TMEM132D: variants seen among roughly 807,000 people sequenced by gnomAD.
The protein encoded by TMEM132D is mature OL transmembrane protein.
A neutral mutation model predicts 62.3 loss-of-function variants in TMEM132D; 21 were observed. That is an observed-to-expected ratio of 0.34 (90% CI 0.24 to 0.49). The LOEUF (loss-of-function observed/expected upper bound fraction) is 0.49, where lower values mean the gene tolerates loss of function less well. Ranked by LOEUF, TMEM132D falls within the 20% of genes least tolerant of loss-of-function variation. The probability of loss-of-function intolerance (pLI) is 0.99; values close to 1 mark genes in which losing one functional copy is unlikely to be tolerated. For synonymous variants in TMEM132D, 621 were observed against 575.6 expected, an observed-to-expected ratio of 1.08 and a Z score of -1.13; for missense variants, 1,346 against 1,402.8, an observed-to-expected ratio of 0.96 and a Z score of 0.65.
chr12:129,532,973 G>T (rs1876271774), intron 2 of TMEM132D, among the ~76,000 whole-genome samples: 1 of 152,150 alleles, frequency 6.6e-6, no homozygotes, highest in African/African-American at 2.4e-5. Context: ...GAATACATCG[G>T]AGCAGTGATT....
chr12:129,442,227 C>T (rs1286156165), intron 3 of TMEM132D, among the ~76,000 whole-genome samples: 1 of 152,234 alleles, frequency 6.6e-6, no homozygotes, highest in Non-Finnish European at 1.5e-5. Flanking sequence ...GCCTGAGAAT[C>T]AGAGTTTGCA....
At chr12:129,667,650 A>G (rs625363) in intron 2 of TMEM132D, among the ~76,000 whole-genome samples, 115,621 of 151,932 alleles carry the variant, frequency 0.76, 44,438 homozygotes, top group East Asian at 0.85. Flanking sequence ...AATATTTTAG[A>G]TTAGCAAAAT....
rs1874202775 is a variant in TMEM132D at position 129,074,928 on chromosome 12, G to T, written c.2247C>A (p.Pro749=). Residue 749 remains proline, a synonymous_variant, in exon 9 of 9, where the codon CCC becomes CCA. Transcript: ENST00000422113. ...CAGCAATGATAGGCCACTTGAATTT[G>T]GGGTCTTGGTGGATGGAGACTACCT... ...DEKVVSIHQD[P]KFKWPIIAAE... 1 of 1,613,982 alleles carries T rather than the reference G, an allele frequency of 6.2e-7. No individual in the cohort carries two copies. Among genetic ancestry groups the T allele is most frequent in the African/African-American group, 1.3e-5 (1 of 74,978 alleles).
At chr12:129,592,632 A>G (rs1477167781) in intron 2 of TMEM132D, among the ~76,000 whole-genome samples, 2 of 152,230 alleles carry the variant, frequency 1.3e-5, no homozygotes, top group Non-Finnish European at 2.9e-5. Flanking sequence ...TGCCCAATAA[A>G]ATTATTTGTA....
chr12:129,213,550 A>C (rs79736598), intron 4 of TMEM132D, among the ~76,000 whole-genome samples: 3,264 of 152,268 alleles, frequency 0.021, 106 homozygotes, highest in African/African-American at 0.075. Flanking sequence ...AGGCTGGGTA[A>C]TTTATAAGAA....
At chr12:129,895,372 A>G (rs563229882) in intron 1 of TMEM132D, among the ~76,000 whole-genome samples, 16 of 152,300 alleles carry the variant, frequency 1.1e-4, no homozygotes, top group Non-Finnish European at 1.8e-4. Context: ...ACCCCACCCA[A>G]TGATTTCAGG....
chr12:129,233,117 ATATATG>A (rs1480843079), intron 4 of TMEM132D, among the ~76,000 whole-genome samples: 2 of 152,196 alleles, frequency 1.3e-5, no homozygotes, highest in Admixed American at 1.3e-4. Flanking sequence ...TCTTATGTTA[ATATATG>A]TATAAGTAAA....
chr12:129,492,540 C>T (rs1400357200), intron 3 of TMEM132D, among the ~76,000 whole-genome samples: 5 of 152,146 alleles, frequency 3.3e-5, no homozygotes, highest in African/African-American at 1.2e-4. Flanking sequence ...GCACACTCCA[C>T]CCAAGTGGAG....
At position 129,749,005 on chromosome 12, in the gene TMEM132D, G is replaced by A. The variant is rs184619526; in HGVS notation, c.80-48307C>T. Among the ~76,000 whole-genome samples the A allele has an allele frequency of 2.2e-3, 334 of 152,292 alleles. 1 individual carries two copies. The highest frequency in any genetic ancestry group is 6.8e-3 in the African/African-American group (282 of 41,562). Reference sequence around the variant, plus strand: ...AACTGATGAGAAGAGGCTAATTAAGGAGACAGATGAGGAGTGATCACACAG... The same window carrying A: ...AACTGATGAGAAGAGGCTAATTAAGAAGACAGATGAGGAGTGATCACACAG... On this transcript the variant is annotated intron_variant, in intron 1 of 8. Transcript: ENST00000422113.
In TMEM132D at chr12:129,547,331, T is replaced by C. The variant is rs995821104; in HGVS notation, c.969-16126A>G. ...ATAGGTCACTGCAGCCTCAAACTCC[T>C]GGGCTCAAGTGATCCTCCTGCCTCG... is the stretch of plus-strand genomic sequence containing the variant. On this transcript the variant is annotated intron_variant, in intron 2 of 8. Coordinates refer to ENST00000422113, the MANE Select transcript of TMEM132D (RefSeq NM_133448.3). Among the ~76,000 whole-genome samples the C allele has an allele frequency of 3.3e-5, 5 of 152,268 alleles. No homozygotes were observed. In the South Asian group the frequency reaches 1.0e-3, roughly 32 times the overall value.
intron 4 of TMEM132D, among the ~76,000 whole-genome samples, chr12:129,242,041 G>A (rs889570325): frequency 3.9e-5 from 6 of 152,126 alleles, no homozygotes; most frequent in East Asian, 3.9e-4. Context: ...CTGGGGATTC[G>A]GCCAAGGGGC....
intron 1 of TMEM132D, among the ~76,000 whole-genome samples, chr12:129,740,439 A>C (rs1869565620): frequency 6.6e-6 from 1 of 152,224 alleles, no homozygotes; most frequent in Non-Finnish European, 1.5e-5. Context: ...TAAATGGATA[A>C]TGCAAGGTAT....
intron 2 of TMEM132D, among the ~76,000 whole-genome samples, chr12:129,635,505 G>T (rs1879453587): frequency 6.6e-6 from 1 of 152,192 alleles, no homozygotes; most frequent in Non-Finnish European, 1.5e-5. Flanking sequence ...CTCAGGTCAA[G>T]GGAAGCTGCA....
rs566423773 is a variant in TMEM132D, at chr12:129,883,780, G to A, written c.79+19481C>T. Among the ~76,000 whole-genome samples, 5 of 152,164 alleles carry A rather than the reference G, an allele frequency of 3.3e-5. No individual in the cohort carries two copies. The South Asian group carries it at 8.3e-4, about 25-fold the overall frequency. On this transcript the variant is annotated intron_variant, in intron 1 of 8. Coordinates refer to ENST00000422113, the MANE Select transcript of TMEM132D (RefSeq NM_133448.3). Reference sequence around the variant, plus strand: ...ACAACCTTGACAAAAATGTAAAGTCGATTTAAAAGAGAAATAACAAACTTT... The same window carrying A: ...ACAACCTTGACAAAAATGTAAAGTCAATTTAAAAGAGAAATAACAAACTTT...
At chr12:129,168,387 C>T (rs929900778) in intron 5 of TMEM132D, among the ~76,000 whole-genome samples, 9 of 152,034 alleles carry the variant, frequency 5.9e-5, no homozygotes, top group African/African-American at 2.2e-4. Context: ...TAATTTTTGC[C>T]ACACCCAAAA....
chr12:129,560,253 T>A (rs1221765388), intron 2 of TMEM132D, among the ~76,000 whole-genome samples: 2 of 137,608 alleles, frequency 1.5e-5, no homozygotes, highest in African/African-American at 2.7e-5. Context: ...TTGTTGTAGT[T>A]TTTTTGCTTT....
At chr12:129,753,316 C>T (rs1484912169) in intron 1 of TMEM132D, among the ~76,000 whole-genome samples, 1 of 152,186 alleles carries the variant, frequency 6.6e-6, no homozygotes, top group African/African-American at 2.4e-5. Context: ...TTGAAAAATT[C>T]ACAAATGCAA....
chr12:129,549,999 C>T (rs1397639653), intron 2 of TMEM132D, among the ~76,000 whole-genome samples: 1 of 152,154 alleles, frequency 6.6e-6, no homozygotes, highest in Non-Finnish European at 1.5e-5. Context: ...CTTAGGAAAA[C>T]CTTCTCTGGC....
intron 3 of TMEM132D, among the ~76,000 whole-genome samples, chr12:129,404,501 C>T (rs1419157369): frequency 6.6e-6 from 1 of 152,136 alleles, no homozygotes; most frequent in Non-Finnish European, 1.5e-5. Context: ...CCGGCCAAGA[C>T]TGGGTAATTT....
Sources: allele counts gnomAD v4.1 joint callset (sites outside exome capture counted in the v4.1 genomes callset), GRCh38; gene constraint gnomAD v4.1.1; transcripts MANE v1.5; gene names NCBI Gene and HGNC (gene_info 2026-07-23, HGNC 2026-07-21).